The following GOLGA4 variants were observed in gnomAD, a reference collection of about 807,000 sequenced individuals.
The protein encoded by GOLGA4 is golgin subfamily A member 4.
A neutral mutation model predicts 265.9 loss-of-function variants in GOLGA4; 169 were observed. That is an observed-to-expected ratio of 0.64 (90% CI 0.56 to 0.72). The LOEUF is 0.72. Among genes scored for constraint, GOLGA4 ranks in the 30% least tolerant of loss-of-function variants. The probability of loss-of-function intolerance (pLI) is 0.00; values close to 1 mark genes in which losing one functional copy is unlikely to be tolerated. For missense variants in GOLGA4, 2,482 were observed against 2,483.4 expected (o/e 1.00, Z 0.01); for synonymous variants, 923 against 855.8 (o/e 1.08, Z -1.37).
chr3:37,304,535 A>G (rs1011870299), intron 10 of GOLGA4, among the ~76,000 whole-genome samples: 1 of 152,236 alleles, frequency 6.6e-6, no homozygotes, highest in Non-Finnish European at 1.5e-5. Flanking sequence ...AATCTAATGC[A>G]TAGCCTCAGC....
intron 2 of GOLGA4, among the ~76,000 whole-genome samples, chr3:37,263,151 T>A (rs935651823): frequency 1.2e-4 from 18 of 152,350 alleles, no homozygotes; most frequent in Non-Finnish European, 2.2e-4. Context: ...AGATAAATAC[T>A]TACCATTGTA....
intron 21 of GOLGA4, among the ~76,000 whole-genome samples, chr3:37,350,673 C>T (rs1255515409): frequency 6.6e-6 from 1 of 152,030 alleles, no homozygotes; most frequent in East Asian, 1.9e-4. Flanking sequence ...ATTACGGGTT[C>T]AGTTCTAGAC....
rs1283155185 is a variant in GOLGA4, at chr3:37,326,682, C to G, written c.4796C>G (p.Ala1599Gly). 6.2e-7 allele frequency: 1 copy of G among 1,611,890 alleles called. No individual in the cohort carries two copies. The highest frequency in any genetic ancestry group is 1.7e-5 in the Admixed American group (1 of 59,794). Residue 1599 changes from alanine to glycine, a missense_variant, in exon 14 of 24, where the codon GCT (alanine) becomes GGT (glycine). Around this residue, in one of 3 missense-constraint regions of GOLGA4, gnomAD observed 942 missense variants for 983.1 expected, o/e 0.96. Coordinates refer to ENST00000361924, the MANE Select transcript of GOLGA4 (RefSeq NM_002078.5). ...TLENQVYSMK[A>G]ELETKKKELE... ...GAAAACCAAGTTTATTCCATGAAAGCTGAACTTGAAACTAAGAAGAAAGAA... is the reference window on the plus strand; with the variant it reads ...GAAAACCAAGTTTATTCCATGAAAGGTGAACTTGAAACTAAGAAGAAAGAA...
intron 2 of GOLGA4, chr3:37,276,320 G>A (rs1190508726): frequency 6.2e-7 from 1 of 1,604,592 alleles, no homozygotes; most frequent in South Asian, 1.1e-5. Context: ...AAGGAAAAAT[G>A]TCCTCTGTGG....
chr3:37,332,019 G>A (rs942014571), intron 16 of GOLGA4, among the ~76,000 whole-genome samples: 3 of 152,154 alleles, frequency 2.0e-5, no homozygotes, highest in African/African-American at 7.2e-5. Context: ...GGCCCGATCT[G>A]TTGTATTAAT....
At chr3:37,340,537 A>G (rs549878508) in intron 20 of GOLGA4, among the ~76,000 whole-genome samples, 3 of 152,252 alleles carry the variant, frequency 2.0e-5, no homozygotes, top group African/African-American at 7.2e-5. Context: ...ACTGTAGTCA[A>G]CCGTATTTTA....
intron 10 of GOLGA4, among the ~76,000 whole-genome samples, chr3:37,310,825 G>T (rs925325815): frequency 6.6e-6 from 1 of 151,804 alleles, no homozygotes; most frequent in Non-Finnish European, 1.5e-5. Context: ...GCGGCAGTTC[G>T]TGCTTAGCCT....
At chr3:37,303,275 A>G (rs947878136) in intron 10 of GOLGA4, among the ~76,000 whole-genome samples, 8 of 152,358 alleles carry the variant, frequency 5.3e-5, no homozygotes, top group Admixed American at 3.9e-4. Flanking sequence ...TAGAAAAGAA[A>G]TGAAATAGGA....
intron 1 of GOLGA4, among the ~76,000 whole-genome samples, chr3:37,245,907 T>C (rs1272664247): frequency 6.6e-6 from 1 of 152,178 alleles, no homozygotes; most frequent in Non-Finnish European, 1.5e-5. Context: ...CCTTTCTTTC[T>C]GCCTGCCATA....
chr3:37,301,255 G>T (rs777080726), intron 9 of GOLGA4, among the ~76,000 whole-genome samples: 1 of 152,092 alleles, frequency 6.6e-6, no homozygotes, highest in Non-Finnish European at 1.5e-5. Context: ...TTTTTCCCCT[G>T]CCGACCTCCA....
intron 20 of GOLGA4, chr3:37,341,897 CACTT>C (rs1326848321): frequency 2.6e-5 from 4 of 152,314 alleles, no homozygotes; most frequent in East Asian, 1.9e-4. Flanking sequence ...AAGCGCTAAA[CACTT>C]ACAAACACGT....
chr3:37,263,585 T>A (rs1435398553), intron 2 of GOLGA4, among the ~76,000 whole-genome samples: 4 of 152,172 alleles, frequency 2.6e-5, no homozygotes, highest in Non-Finnish European at 5.9e-5. Context: ...CGTCTCACAC[T>A]CTCATATATG....
In GOLGA4 at chr3:37,243,309, C is replaced by T. The variant is rs926239743; in HGVS notation, c.-242C>T. On this transcript the variant is annotated 5_prime_UTR_variant, in exon 1 of 24. Transcript: ENST00000361924. ...CCGTTGTCGTCGCCGCCGCGGCTCC[C>T]GGGGCTGGATGGGGGGCCGAGGCCA... 7 of 555,492 alleles carry T rather than the reference C, an allele frequency of 1.3e-5. No individual in the cohort carries two copies. Among genetic ancestry groups the T allele is most frequent in the Non-Finnish European group, 2.2e-5 (7 of 312,748 alleles). 34.4% of individuals were successfully genotyped at this position (555,492 alleles called of 1,614,324 possible).
At chr3:37,293,502 T>C (rs1157256153) in intron 5 of GOLGA4, among the ~76,000 whole-genome samples, 1 of 152,178 alleles carries the variant, frequency 6.6e-6, no homozygotes, top group Non-Finnish European at 1.5e-5. Flanking sequence ...ATAAAAAATA[T>C]TGATTATATG....
At chr3:37,304,034 T>A (rs2096899904) in intron 10 of GOLGA4, among the ~76,000 whole-genome samples, 1 of 152,008 alleles carries the variant, frequency 6.6e-6, no homozygotes, top group African/African-American at 2.4e-5. Context: ...TGACTCAGAG[T>A]CTGTGCTCTT....
chr3:37,324,987 A>G lies in GOLGA4; in HGVS notation c.3101A>G (p.Glu1034Gly), dbSNP rs1018886079. The change falls in exon 14 of 24, where the codon GAG becomes GGG. Residue 1034 changes from glutamate to glycine, a missense_variant. Glu to Gly is a moderately conservative substitution (Grantham distance 98, BLOSUM62 -2). Transcript: ENST00000361924. ...NQKEQIESLT[E>G]VHRRELNDVI... ...AAAGAACAAATAGAAAGTCTTACTG[A>G]GGTTCATCGACGAGAACTCAATGAT... 3 of 1,612,906 alleles carry G rather than the reference A, an allele frequency of 1.9e-6. No homozygotes were observed. The African/African-American group carries it at 4.0e-5, about 22-fold the overall frequency.
chr3:37,349,976 T>C (rs2097068781), intron 21 of GOLGA4, among the ~76,000 whole-genome samples: 1 of 152,142 alleles, frequency 6.6e-6, no homozygotes, highest in Admixed American at 6.6e-5. Context: ...GTCCGTATAC[T>C]TTCTTTTTCT....
At chr3:37,254,520 TTAAA>T (rs1194179715) in intron 2 of GOLGA4, among the ~76,000 whole-genome samples, 2 of 152,078 alleles carry the variant, frequency 1.3e-5, no homozygotes, top group Non-Finnish European at 2.9e-5. Flanking sequence ...ATTGTTTTAA[TTAAA>T]CAATTGTTTA....
chr3:37,357,454 T>A (rs1411918356), intron 22 of GOLGA4, among the ~76,000 whole-genome samples: 1 of 152,120 alleles, frequency 6.6e-6, no homozygotes, highest in African/African-American at 2.4e-5. Context: ...TAAAAAGATA[T>A]GCTTAAGTAA....
Sources: allele counts gnomAD v4.1 joint callset (sites outside exome capture counted in the v4.1 genomes callset), GRCh38; gene constraint gnomAD v4.1.1; regional missense constraint gnomAD v4.1.1; transcripts MANE v1.5; gene names NCBI Gene and HGNC (gene_info 2026-07-23, HGNC 2026-07-21).